CNTN6: variants seen among roughly 807,000 people sequenced by gnomAD.
CNTN6 encodes the protein contactin 6.
Under a neutral mutation model 122.8 loss-of-function variants are expected in CNTN6, and 137 were observed. The ratio of observed to expected loss-of-function variants is 1.12; its 90% CI spans 0.97 to 1.29. CNTN6 has a LOEUF of 1.29. Among genes scored for constraint, CNTN6 ranks in the 50% most tolerant of loss-of-function variants. The probability of loss-of-function intolerance (pLI) is 0.00; values close to 1 mark genes in which losing one functional copy is unlikely to be tolerated. For synonymous variants in CNTN6, 570 were observed against 426.0 expected, an observed-to-expected ratio of 1.34 and a Z score of -4.16; for missense variants, 1,634 against 1,223.4, an observed-to-expected ratio of 1.34 and a Z score of -5.01.
In CNTN6 at chr3:1,300,487, GGAAGGA is replaced by G. The variant is rs1559754114; in HGVS notation, c.761+2497_761+2502del. Among the ~76,000 whole-genome samples the G allele has an allele frequency of 4.6e-3, 498 of 108,854 alleles. 4 individuals carry two copies. The highest frequency in any genetic ancestry group is 0.026 in the African/African-American group (463 of 17,536). 71.4% of individuals were successfully genotyped at this position (108,854 alleles called of 152,430 possible). On this transcript the variant is annotated intron_variant, in intron 7 of 22. Coordinates refer to ENST00000446702, the MANE Select transcript of CNTN6 (RefSeq NM_001289080.2). ...AGGAAGGAAGGAAGGAAGGAAGGAAGGAAGGAAAAAGAAAAGAAAGAGAAAGAAAGA... is the reference window on the plus strand; with the variant it reads ...AGGAAGGAAGGAAGGAAGGAAGGAAGAAAAGAAAAGAAAGAGAAAGAAAGA...
chr3:1,145,677 A>C (rs1159590563), intron 1 of CNTN6, among the ~76,000 whole-genome samples: 1 of 152,200 alleles, frequency 6.6e-6, no homozygotes, highest in African/African-American at 2.4e-5. Flanking sequence ...AGGGAGATAC[A>C]GACCCTAAGG....
At chr3:1,096,803 G>C (rs1156956845) in intron 1 of CNTN6, among the ~76,000 whole-genome samples, 3 of 152,076 alleles carry the variant, frequency 2.0e-5, no homozygotes, top group African/African-American at 7.2e-5. Flanking sequence ...TTAGTATTTG[G>C]CTACAGTGGA....
At chr3:1,271,323 C>T (rs1027092447) in intron 4 of CNTN6, among the ~76,000 whole-genome samples, 1 of 152,332 alleles carries the variant, frequency 6.6e-6, no homozygotes, top group Admixed American at 6.5e-5. Context: ...CATTTTCCTC[C>T]TGCTCCTGAA....
chr3:1,373,512 C>G, intron 14 of CNTN6, 92 bp from the exon 15 acceptor site: 1 of 1,242,224 alleles, frequency 8.1e-7, no homozygotes, highest in South Asian at 1.5e-5. Context: ...ATTTTACTTC[C>G]TAAGCACAAC....
Position 1,393,779 on chromosome 3 carries a change from A to T in CNTN6, c.2705-7654A>T, listed in dbSNP as rs537666314. On this transcript the variant is annotated intron_variant, in intron 20 of 22. Transcript: ENST00000446702. ...GTTTAAGGTGGATTGAAACTTGAAC[A>T]CTGAACTAATCATTTACCTCAGGAA... is the stretch of plus-strand genomic sequence containing the variant. 5.3e-5 allele frequency among the ~76,000 whole-genome samples: 8 copies of T among 152,286 alleles called. 1 individual carries two copies. The highest frequency in any genetic ancestry group is 2.1e-4 in the South Asian group (1 of 4,826).
chr3:1,278,519 G>T lies in CNTN6; in HGVS notation c.454+11G>T. The T allele has an allele frequency of 1.3e-6, 2 of 1,595,836 alleles. No individual in the cohort carries two copies. The highest frequency in any genetic ancestry group is 1.7e-6 in the Non-Finnish European group (2 of 1,165,296). The stretch of plus-strand genomic sequence containing the variant: ...CGCCACATTTTGGAGGTATGATGGG[G>T]TGATTTGGGTCATATCATCAATGCG... On this transcript the variant is annotated intron_variant, in intron 5 of 22. Coordinates refer to ENST00000446702, the MANE Select transcript of CNTN6 (RefSeq NM_001289080.2).
At chr3:1,311,678 T>C (rs1284368318) in intron 7 of CNTN6, among the ~76,000 whole-genome samples, 2 of 151,394 alleles carry the variant, frequency 1.3e-5, no homozygotes, top group Non-Finnish European at 3.0e-5. Context: ...CTTTTTATAC[T>C]TAATTTCTCC....
chr3:1,387,983 G>A (rs1179197956), intron 20 of CNTN6, among the ~76,000 whole-genome samples: 2 of 152,266 alleles, frequency 1.3e-5, no homozygotes, highest in East Asian at 1.9e-4. Flanking sequence ...CGAGGCTGGG[G>A]GAGGGGCGCC....
intron 14 of CNTN6, among the ~76,000 whole-genome samples, chr3:1,373,211 C>G (rs1029401850): frequency 3.9e-5 from 6 of 152,078 alleles, no homozygotes; most frequent in African/African-American, 1.4e-4. Flanking sequence ...GTGTCAGTAA[C>G]TAAAACTTAG....
At chr3:1,095,360 A>C (rs1048077721) in intron 1 of CNTN6, among the ~76,000 whole-genome samples, 2 of 152,128 alleles carry the variant, frequency 1.3e-5, no homozygotes, top group Admixed American at 1.3e-4. Flanking sequence ...AGTCACAGCT[A>C]CTCAGGAAGC....
intron 11 of CNTN6, among the ~76,000 whole-genome samples, chr3:1,343,688 C>T (rs1030718923): frequency 1.3e-5 from 2 of 152,118 alleles, no homozygotes; most frequent in Middle Eastern, 3.4e-3. Context: ...TACCTTGGGA[C>T]ACCCATTATG....
At chr3:1,247,344 C>CT (rs3836242) in intron 4 of CNTN6, among the ~76,000 whole-genome samples, 11,341 of 152,120 alleles carry the variant, frequency 0.075, 495 homozygotes, top group African/African-American at 0.12. Context: ...CTATTGACCT[C>CT]TTTTTTCTCT....
intron 4 of CNTN6, among the ~76,000 whole-genome samples, chr3:1,233,462 G>C (rs552722204): frequency 1.3e-5 from 2 of 152,056 alleles, no homozygotes; most frequent in Non-Finnish European, 2.9e-5. Context: ...GAAGCCAGGC[G>C]CGGTGGCTCA....
intron 2 of CNTN6, among the ~76,000 whole-genome samples, chr3:1,190,329 A>G (rs1322393772): frequency 6.6e-6 from 1 of 152,210 alleles, no homozygotes; most frequent in East Asian, 1.9e-4. Context: ...GGAATTCAAC[A>G]AATACATTTT....
At chr3:1,138,844 TTA>T (rs980615643) in intron 1 of CNTN6, among the ~76,000 whole-genome samples, 4 of 152,114 alleles carry the variant, frequency 2.6e-5, no homozygotes, top group African/African-American at 7.2e-5. Context: ...ATCTATATAA[TTA>T]TATGTTATAT....
intron 7 of CNTN6, among the ~76,000 whole-genome samples, chr3:1,298,876 GAGGGCTTACCTCTAAATCCAA>G (rs1029727100): frequency 2.0e-5 from 3 of 152,066 alleles, no homozygotes; most frequent in African/African-American, 7.2e-5. Flanking sequence ...GGTAAGCTCG[GAGGGCTTACCTCTAAATCCAA>G]AGTCTATTCC....
intron 2 of CNTN6, among the ~76,000 whole-genome samples, chr3:1,201,696 T>C (rs1347178089): frequency 1.3e-5 from 2 of 152,212 alleles, no homozygotes; most frequent in Non-Finnish European, 2.9e-5. Flanking sequence ...TTATTTATAA[T>C]AGAAAACAAA....
intron 2 of CNTN6, among the ~76,000 whole-genome samples, chr3:1,190,367 C>T (rs147865727): frequency 1.2e-3 from 177 of 152,274 alleles, no homozygotes; most frequent in African/African-American, 3.5e-3. Context: ...CGGTCTATAA[C>T]GTTAGTCACA....
chr3:1,278,451 T>A lies in CNTN6; in HGVS notation c.397T>A (p.Ser133Thr). ...TGAAACTAAAACAAGAAGCACAGTA[T>A]CTGTCCGAGAAGGTCAAGGTGTGGT... ...DFETKTRSTV[S>T]VREGQGVVLL... Residue 133 changes from serine (S) to threonine (T), a missense_variant, in exon 5 of 23, where the codon TCT becomes ACT. By Grantham distance (58) the Ser-to-Thr change is moderately conservative (BLOSUM62 1). Transcript: ENST00000446702. 6.2e-7 allele frequency: 1 copy of A among 1,612,238 alleles called. No individual in the cohort carries two copies. Among genetic ancestry groups the A allele is most frequent in the African/African-American group, 1.3e-5 (1 of 75,006 alleles).
Sources: gnomAD v4.1 joint callset for allele counts (sites outside exome capture counted in the v4.1 genomes callset) on GRCh38, gnomAD v4.1.1 for gene constraint, MANE v1.5 for transcripts, NCBI Gene and HGNC (gene_info 2026-07-23, HGNC 2026-07-21) for gene names.